The following DGKB variants were observed in gnomAD, a reference collection of about 807,000 sequenced individuals.
The protein encoded by DGKB is diacylglycerol kinase beta.
DGKB carries 67 observed loss-of-function variants against 114.3 expected under a neutral mutation model. That is an observed-to-expected ratio of 0.59 (90% CI 0.48 to 0.72). DGKB has a LOEUF of 0.72. Ranked by LOEUF, DGKB falls within the 30% of genes least tolerant of loss-of-function variation. The pLI is 0.00. For synonymous variants in DGKB, 398 were observed against 323.1 expected, an observed-to-expected ratio of 1.23 and a Z score of -2.49; for missense variants, 907 against 975.2, an observed-to-expected ratio of 0.93 and a Z score of 0.93.
intron 20 of DGKB, among the ~76,000 whole-genome samples, chr7:14,504,461 G>A (rs1304432679): frequency 6.6e-6 from 1 of 152,160 alleles, no homozygotes; most frequent in African/African-American, 2.4e-5. Context: ...GTGGCTGGAG[G>A]TTTACAACTA....
intron 1 of DGKB, among the ~76,000 whole-genome samples, chr7:14,936,345 G>A (rs1396049696): frequency 6.6e-6 from 1 of 152,038 alleles, no homozygotes; most frequent in African/African-American, 2.4e-5. Flanking sequence ...TGAGCATGAG[G>A]TCATTACTTT....
chr7:14,755,947 T>C (rs1159687013), intron 3 of DGKB, among the ~76,000 whole-genome samples: 1 of 152,070 alleles, frequency 6.6e-6, no homozygotes, highest in Non-Finnish European at 1.5e-5. Context: ...TGTACATTTA[T>C]GAAATGTATT....
intron 21 of DGKB, among the ~76,000 whole-genome samples, chr7:14,351,994 C>A (rs192990662): frequency 6.6e-6 from 1 of 151,946 alleles, no homozygotes; most frequent in Non-Finnish European, 1.5e-5. Flanking sequence ...AATATTCACA[C>A]CGAAGAAGGC....
chr7:14,521,596 A>G (rs974178480), intron 20 of DGKB, among the ~76,000 whole-genome samples: 1 of 152,148 alleles, frequency 6.6e-6, no homozygotes, highest in African/African-American at 2.4e-5. Context: ...CATAATTCCC[A>G]GTTGTTTAAT....
At chr7:14,428,458 G>A (rs1463291857) in intron 21 of DGKB, among the ~76,000 whole-genome samples, 3 of 152,124 alleles carry the variant, frequency 2.0e-5, no homozygotes, top group Non-Finnish European at 4.4e-5. Context: ...ATGAGGAAGT[G>A]AGAGGTTCAT....
At chr7:14,546,552 C>T (rs1794315517) in intron 20 of DGKB, among the ~76,000 whole-genome samples, 1 of 152,106 alleles carries the variant, frequency 6.6e-6, no homozygotes, top group Non-Finnish European at 1.5e-5. Flanking sequence ...TTTAAACATC[C>T]CCCTAGGTTT....
Position 14,212,399 on chromosome 7 carries a change from GTTTTGTGATTTTA to G in DGKB, c.2123-34261_2123-34249del, listed in dbSNP as rs1584487466. Among the ~76,000 whole-genome samples, 16 of 57,476 alleles carry G rather than the reference GTTTTGTGATTTTA, an allele frequency of 2.8e-4. 6 individuals carry two copies. The East Asian group carries it at 3.8e-3, about 14-fold the overall frequency. 37.7% of individuals were successfully genotyped at this position (57,476 alleles called of 152,430 possible). ...CGTGTTTTGTGATATTTACTCTCATGTTTTGTGATTTTACTCTCGTGTTTTGTGATATTTACTC... is the reference window on the plus strand; with the variant it reads ...CGTGTTTTGTGATATTTACTCTCATGCTCTCGTGTTTTGTGATATTTACTC... On this transcript the variant is annotated intron_variant, in intron 23 of 25. Coordinates refer to ENST00000402815, the MANE Select transcript of DGKB (RefSeq NM_001350709.2).
chr7:14,261,085 TA>T (rs1260118851), intron 23 of DGKB, among the ~76,000 whole-genome samples: 1 of 152,026 alleles, frequency 6.6e-6, no homozygotes, highest in African/African-American at 2.4e-5. Context: ...TAAGAAAACA[TA>T]AAAAAATTAA....
At chr7:14,304,650 A>G (rs1310518469) in intron 23 of DGKB, among the ~76,000 whole-genome samples, 1 of 152,172 alleles carries the variant, frequency 6.6e-6, no homozygotes, top group Non-Finnish European at 1.5e-5. Context: ...GTCCAGTAGC[A>G]TGTTTACAGT....
At chr7:14,648,487 C>T (rs1433893224) in intron 13 of DGKB, among the ~76,000 whole-genome samples, 2 of 140,970 alleles carry the variant, frequency 1.4e-5, no homozygotes, top group African/African-American at 2.6e-5. Context: ...CACCAAAAAC[C>T]CATCTGTACA....
At chr7:14,310,702 C>A (rs1257666144) in intron 23 of DGKB, among the ~76,000 whole-genome samples, 3 of 152,126 alleles carry the variant, frequency 2.0e-5, no homozygotes, top group South Asian at 2.1e-4. Context: ...GGGAAAGAAC[C>A]TAATAATACC....
chr7:14,377,656 T>C (rs1818720619), intron 21 of DGKB, among the ~76,000 whole-genome samples: 1 of 152,174 alleles, frequency 6.6e-6, no homozygotes, highest in African/African-American at 2.4e-5. Flanking sequence ...AAACAGTGTA[T>C]ATCCAAACCG....
In DGKB at chr7:14,557,168, C is replaced by G. The variant is rs954299331; in HGVS notation, c.1770+17044G>C. 1.7e-4 allele frequency among the ~76,000 whole-genome samples: 26 copies of G among 152,286 alleles called. No individual in the cohort carries two copies. The East Asian group carries it at 5.0e-3, about 29-fold the overall frequency. ...ACAAGCCCCTTAGGTGATTCGAATT[C>G]ATGCTTAAATTTAAGAACCACTATC... On this transcript the variant is annotated intron_variant, in intron 20 of 25. Transcript: ENST00000402815.
chr7:14,387,433 G>C (rs943360975), intron 21 of DGKB, among the ~76,000 whole-genome samples: 3 of 125,972 alleles, frequency 2.4e-5, no homozygotes, highest in Non-Finnish European at 5.1e-5. Context: ...AAAAAAAAAA[G>C]ACAGGGTCTC....
chr7:14,716,727 A>G (rs1474144156), intron 6 of DGKB, among the ~76,000 whole-genome samples: 1 of 152,138 alleles, frequency 6.6e-6, no homozygotes, highest in Non-Finnish European at 1.5e-5. Flanking sequence ...TAATTGACAC[A>G]GGAAAGAGCC....
At chr7:14,479,273 A>G (rs2128908024) in intron 20 of DGKB, among the ~76,000 whole-genome samples, 1 of 152,280 alleles carries the variant, frequency 6.6e-6, no homozygotes, top group Admixed American at 6.5e-5. Flanking sequence ...TTAAAAGTCT[A>G]ATGAATGAAA....
chr7:14,973,527 G>GT lies in DGKB; in HGVS notation c.-188+1168dup, dbSNP rs11300261. 5.8e-4 allele frequency among the ~76,000 whole-genome samples: 79 copies of GT among 137,282 alleles called. 1 individual carries two copies. The highest frequency in any genetic ancestry group is 4.7e-3 in the East Asian group (22 of 4,726). 90.1% of individuals were successfully genotyped at this position (137,282 alleles called of 152,430 possible). Reference sequence around the variant, plus strand: ...TGTTTTGTTTGTTTTTTGTTTTTTTGTTTTTTTTTTCTTTTTTTTTTCTTT... The same window carrying GT: ...TGTTTTGTTTGTTTTTTGTTTTTTTGTTTTTTTTTTTCTTTTTTTTTTCTTT... On this transcript the variant is annotated intron_variant, in intron 1 of 4. Coordinates refer to the DGKB transcript ENST00000437998.
Position 14,149,258 on chromosome 7 carries a change from G to T in DGKB, c.2305-20C>A, listed in dbSNP as rs769743826. On this transcript the variant is annotated intron_variant, in intron 25 of 25. Transcript: ENST00000402815. ...TTTTATCTAGAAAAAAAGAGAGAGA[G>T]AGAGAGAGAAAGAATAGAGTAATCT... The T allele has an allele frequency of 3.2e-6, 5 of 1,567,540 alleles. No individual in the cohort carries two copies. In the East Asian group the frequency reaches 6.7e-5, roughly 21 times the overall value.
At chr7:14,847,905 T>C (rs2128152292) in intron 1 of DGKB, among the ~76,000 whole-genome samples, 1 of 152,194 alleles carries the variant, frequency 6.6e-6, no homozygotes, top group East Asian at 1.9e-4. Flanking sequence ...AAGAAGTCAG[T>C]TATGACTGGA....
Sources: allele counts gnomAD v4.1 joint callset (sites outside exome capture counted in the v4.1 genomes callset), GRCh38; gene constraint gnomAD v4.1.1; transcripts MANE v1.5; gene names NCBI Gene and HGNC (gene_info 2026-07-23, HGNC 2026-07-21).